Variants in DPYD observed in about 807,000 individuals in gnomAD.
The protein encoded by DPYD is dihydropyrimidine dehydrogenase, also known as dihydropyrimidine dehydrogenase [NADP(+)].
DPYD carries 109 observed loss-of-function variants against 116.2 expected under a neutral mutation model. That is an observed-to-expected ratio of 0.94 (90% CI 0.80 to 1.10). The LOEUF (loss-of-function observed/expected upper bound fraction) is 1.10. DPYD is among the 50% of genes least tolerant of loss of function. The pLI is 0.00. For missense variants in DPYD, 1,302 were observed against 1,254.5 expected (o/e 1.04, Z -0.57); for synonymous variants, 440 against 432.0 (o/e 1.02, Z -0.23).
At chr1:97,517,163 C>A (rs1570883136) in intron 12 of DPYD, among the ~76,000 whole-genome samples, 2 of 151,994 alleles carry the variant, frequency 1.3e-5, no homozygotes, top group African/African-American at 4.8e-5. Context: ...CTGGTACATG[C>A]AAAGAGATGC....
chr1:97,397,672 C>T (rs1673091047), intron 14 of DPYD, among the ~76,000 whole-genome samples: 1 of 152,034 alleles, frequency 6.6e-6, no homozygotes, highest in South Asian at 2.1e-4. Context: ...ATTCAAGCTT[C>T]CTCCATGTTT....
rs758334320 is a variant in DPYD, at chr1:97,193,054, G to T, written c.2622+15C>A. ...CTGAGTTCTCAAGAATAACACAGGA[G>T]ATTTAAGCACATACCTTGTCCATGA... On this transcript the variant is annotated intron_variant, in intron 20 of 22. Transcript: ENST00000370192. 6.2e-6 allele frequency: 10 copies of T among 1,613,622 alleles called. No homozygotes were observed. Among genetic ancestry groups the T allele is most frequent in the Non-Finnish European group, 6.8e-6 (8 of 1,179,616 alleles).
At chr1:97,378,575 C>T (rs1671765345) in intron 15 of DPYD, among the ~76,000 whole-genome samples, 1 of 152,144 alleles carries the variant, frequency 6.6e-6, no homozygotes, top group Non-Finnish European at 1.5e-5. Context: ...TTAAAATCAT[C>T]ATCACTGGAT....
chr1:97,399,943 C>A (rs1410137280), intron 14 of DPYD, among the ~76,000 whole-genome samples: 10 of 151,998 alleles, frequency 6.6e-5, no homozygotes, highest in African/African-American at 1.7e-4. Flanking sequence ...CCTTTATTTC[C>A]TTCTCCTGCC....
intron 19 of DPYD, among the ~76,000 whole-genome samples, chr1:97,199,051 T>G (rs1173382855): frequency 6.6e-6 from 1 of 152,184 alleles, no homozygotes; most frequent in Non-Finnish European, 1.5e-5. Context: ...TACAAATACC[T>G]GGATGGTAAC....
chr1:97,274,317 T>A (rs1418510697), intron 18 of DPYD, among the ~76,000 whole-genome samples: 1 of 152,120 alleles, frequency 6.6e-6, no homozygotes, highest in Non-Finnish European at 1.5e-5. Flanking sequence ...CCTGTGGTAA[T>A]GCATGAGTTC....
intron 1 of DPYD, among the ~76,000 whole-genome samples, chr1:97,897,172 T>C (rs1477887508): frequency 6.6e-6 from 1 of 151,948 alleles, no homozygotes. Flanking sequence ...CTAATTTCAC[T>C]GGATAATAGA....
intron 7 of DPYD, among the ~76,000 whole-genome samples, chr1:97,684,056 T>G (rs1158413793): frequency 6.6e-6 from 1 of 152,190 alleles, no homozygotes; most frequent in Non-Finnish European, 1.5e-5. Flanking sequence ...CTGATCTTGC[T>G]TATTTCTTGT....
chr1:97,828,488 GA>G (rs1669362002), intron 2 of DPYD, among the ~76,000 whole-genome samples: 1 of 152,026 alleles, frequency 6.6e-6, no homozygotes, highest in African/African-American at 2.4e-5. Flanking sequence ...ATAAAAGTAG[GA>G]AAACTTCTTA....
chr1:97,493,834 TA>T (rs1679107120), intron 13 of DPYD, among the ~76,000 whole-genome samples: 3 of 152,128 alleles, frequency 2.0e-5, no homozygotes, highest in Admixed American at 1.3e-4. Flanking sequence ...ACACAAATAT[TA>T]TTGATCGATT....
intron 16 of DPYD, among the ~76,000 whole-genome samples, chr1:97,360,753 C>T (rs568589203): frequency 6.6e-6 from 1 of 152,130 alleles, no homozygotes; most frequent in South Asian, 2.1e-4. Context: ...TCTTTGAAAC[C>T]AATGAGAACA....
intron 19 of DPYD, among the ~76,000 whole-genome samples, chr1:97,229,970 A>G (rs1000616132): frequency 2.0e-5 from 3 of 152,070 alleles, no homozygotes; most frequent in Non-Finnish European, 4.4e-5. Flanking sequence ...AAAACAAAAA[A>G]CCCATAACCA....
intron 2 of DPYD, among the ~76,000 whole-genome samples, chr1:97,871,945 C>T (rs535286916): frequency 2.0e-5 from 3 of 151,912 alleles, no homozygotes; most frequent in East Asian, 3.9e-4. Context: ...TTTAAGAATA[C>T]TATGCACATT....
At chr1:97,579,935 A>G (rs1653525645) in intron 10 of DPYD, among the ~76,000 whole-genome samples, 1 of 152,224 alleles carries the variant, frequency 6.6e-6, no homozygotes, top group African/African-American at 2.4e-5. Context: ...TATGTGGCTG[A>G]TGCTGAGTGA....
At position 97,542,628 on chromosome 1, in the gene DPYD, T is replaced by C. The variant is rs1650535283; in HGVS notation, c.1524+6932A>G. 1.3e-5 allele frequency among the ~76,000 whole-genome samples: 2 copies of C among 152,192 alleles called. 1 individual carries two copies. Among genetic ancestry groups the C allele is most frequent in the East Asian group, 3.8e-4 (2 of 5,198 alleles). ...GTCATTGTCTCTTCCAGGTTACCTT[T>C]GTAACTTGATGCTTTTTATTATTGT... is the stretch of plus-strand genomic sequence containing the variant. On this transcript the variant is annotated intron_variant, in intron 12 of 22. Transcript: ENST00000370192.
At chr1:97,369,836 C>T (rs992269122) in intron 16 of DPYD, among the ~76,000 whole-genome samples, 3 of 152,104 alleles carry the variant, frequency 2.0e-5, no homozygotes, top group Non-Finnish European at 4.4e-5. Flanking sequence ...CCAATCATAG[C>T]CTTTTTGAGC....
At chr1:97,208,605 CATCATTTCTTCAA>C (rs536720201) in intron 19 of DPYD, among the ~76,000 whole-genome samples, 1 of 152,040 alleles carries the variant, frequency 6.6e-6, no homozygotes, top group Non-Finnish European at 1.5e-5. Context: ...TATTCAAACT[CATCATTTCTTCAA>C]AAACTTTCTC....
chr1:97,314,299 A>T (rs2101069042), intron 16 of DPYD, among the ~76,000 whole-genome samples: 1 of 151,952 alleles, frequency 6.6e-6, no homozygotes, highest in African/African-American at 2.4e-5. Context: ...CTTGAGGGGA[A>T]GGGAGATGCT....
At chr1:97,666,636 GA>G in intron 8 of DPYD, among the ~76,000 whole-genome samples, 1 of 152,102 alleles carries the variant, frequency 6.6e-6, no homozygotes, top group East Asian at 1.9e-4. Context: ...ATGGTATCAG[GA>G]AAACATATTT....
Sources: allele counts gnomAD v4.1 joint callset (sites outside exome capture counted in the v4.1 genomes callset), GRCh38; gene constraint gnomAD v4.1.1; transcripts MANE v1.5; gene names NCBI Gene and HGNC (gene_info 2026-07-23, HGNC 2026-07-21).